Variants in ANXA8 observed in about 807,000 individuals in gnomAD.
The protein encoded by ANXA8 is VAC-beta.
ANXA8 carries 9 observed loss-of-function variants against 26.8 expected under a neutral mutation model. The observed-to-expected ratio is 0.34, with a 90% CI of 0.20 to 0.59. The LOEUF is 0.59. Ranked by LOEUF, ANXA8 falls within the 20% of genes least tolerant of loss-of-function variation. ANXA8 has a pLI of 0.84. For missense variants in ANXA8, 83 were observed against 238.5 expected (o/e 0.35, Z 4.29); for synonymous variants, 39 against 94.8 (o/e 0.41, Z 3.42).
At chr10:47,655,641 TA>T in the ANXA8 span, among the ~76,000 whole-genome samples, 22 of 151,942 alleles carry the variant, frequency 1.4e-4, no homozygotes, top group Non-Finnish European at 2.8e-4. Flanking sequence ...TATGACAGAA[TA>T]CAGGATCCAG....
chr10:47,655,418 A>G, the ANXA8 span, among the ~76,000 whole-genome samples: 19 of 151,654 alleles, frequency 1.3e-4, no homozygotes, highest in African/African-American at 4.4e-4. Context: ...GAACAGTTGG[A>G]TTGGTCTTGG....
chr10:47,653,180 T>C, the ANXA8 span, among the ~76,000 whole-genome samples: 2 of 150,196 alleles, frequency 1.3e-5, no homozygotes, highest in East Asian at 3.9e-4. Context: ...GGCATGGTGG[T>C]GGGTGCCTGT....
At chr10:47,745,922 ATGCATCTGCACAATGCAGCT>A in the ANXA8 span, among the ~76,000 whole-genome samples, 1 of 151,000 alleles carries the variant, frequency 6.6e-6, no homozygotes, top group Non-Finnish European at 1.5e-5. Context: ...AGACACAGAT[ATGCATCTGCACAATGCAGCT>A]TGCCTTTTTA....
the ANXA8 span, among the ~76,000 whole-genome samples, chr10:47,493,754 TC>T: frequency 7.2e-6 from 1 of 138,724 alleles, no homozygotes; most frequent in Non-Finnish European, 1.5e-5. Context: ...CTCCACATGG[TC>T]CCCTGCCCAT....
At chr10:47,554,728 C>G in the ANXA8 span, among the ~76,000 whole-genome samples, 1 of 151,890 alleles carries the variant, frequency 6.6e-6, no homozygotes, top group African/African-American at 2.4e-5. Flanking sequence ...TCACAGTGAC[C>G]TTGTTATCAC....
the ANXA8 span, among the ~76,000 whole-genome samples, chr10:47,596,731 TG>T: frequency 1.4e-5 from 2 of 146,608 alleles, no homozygotes; most frequent in Non-Finnish European, 3.0e-5. Context: ...AGGAAGAACC[TG>T]AAACACTGAA....
upstream of ANXA8, among the ~76,000 whole-genome samples, chr10:47,486,576 G>C (rs1439205377): frequency 7.4e-6 from 1 of 135,508 alleles, no homozygotes; most frequent in Non-Finnish European, 1.6e-5. Flanking sequence ...GAGGAGACAC[G>C]GGGGACATGC....
chr10:47,748,188 A>C, the ANXA8 span, among the ~76,000 whole-genome samples: 2 of 151,114 alleles, frequency 1.3e-5, no homozygotes, highest in African/African-American at 4.9e-5. Flanking sequence ...ACAAAACTGC[A>C]TCCAGGCACA....
At chr10:47,714,460 A>G in the ANXA8 span, among the ~76,000 whole-genome samples, 1 of 108,574 alleles carries the variant, frequency 9.2e-6, no homozygotes, top group Non-Finnish European at 1.8e-5. Flanking sequence ...GTGCTAAGAA[A>G]CCCTCTTTTG....
At chr10:47,488,511 T>C (rs1840085596), upstream of ANXA8, among the ~76,000 whole-genome samples, 1 of 150,986 alleles carries the variant, frequency 6.6e-6, no homozygotes, top group South Asian at 2.1e-4. Flanking sequence ...GCACCTGGCC[T>C]ATGGTATTTT....
At chr10:47,546,916 C>T in the ANXA8 span, among the ~76,000 whole-genome samples, 1 of 123,098 alleles carries the variant, frequency 8.1e-6, no homozygotes, top group Admixed American at 8.9e-5. Flanking sequence ...TGAAGTTGGG[C>T]TTGTAGGAAA....
the ANXA8 span, among the ~76,000 whole-genome samples, chr10:47,775,283 G>GA: frequency 7.2e-6 from 1 of 139,598 alleles, no homozygotes; most frequent in Non-Finnish European, 1.6e-5. Context: ...TGAGGCAGGA[G>GA]AATCACTTGA....
the ANXA8 span, among the ~76,000 whole-genome samples, chr10:47,956,968 A>C: frequency 7.3e-5 from 11 of 150,466 alleles, no homozygotes; most frequent in Non-Finnish European, 1.3e-4. Flanking sequence ...AAATATTTTT[A>C]CTTCTCCATC....
At chr10:47,954,316 T>C in the ANXA8 span, among the ~76,000 whole-genome samples, 1 of 151,140 alleles carries the variant, frequency 6.6e-6, no homozygotes, top group Non-Finnish European at 1.5e-5. Flanking sequence ...TGCATGTTCT[T>C]ACTCATTTGT....
chr10:47,528,168 C>T, the ANXA8 span, among the ~76,000 whole-genome samples: 201 of 139,426 alleles, frequency 1.4e-3, no homozygotes, highest in African/African-American at 5.0e-3. Flanking sequence ...CAACCTCTGC[C>T]TCCTGGGTTC....
the ANXA8 span, among the ~76,000 whole-genome samples, chr10:47,678,448 C>CA: frequency 7.2e-5 from 9 of 124,548 alleles, no homozygotes; most frequent in South Asian, 2.7e-4. Context: ...GACTTTGTCG[C>CA]AAAAAAAACC....
At chr10:47,894,929 A>T in the ANXA8 span, among the ~76,000 whole-genome samples, 1 of 151,676 alleles carries the variant, frequency 6.6e-6, no homozygotes, top group Non-Finnish European at 1.5e-5. Flanking sequence ...CATCACACAC[A>T]CCACATAACA....
At chr10:47,746,152 G>A in the ANXA8 span, among the ~76,000 whole-genome samples, 6 of 108,180 alleles carry the variant, frequency 5.5e-5, no homozygotes, top group African/African-American at 1.3e-4. Flanking sequence ...TCCGGAGTTC[G>A]AGACGAGCCT....
the ANXA8 span, among the ~76,000 whole-genome samples, chr10:47,533,224 C>CACACACACACACACACACACACACACA: frequency 7.5e-6 from 1 of 133,092 alleles, no homozygotes; most frequent in Admixed American, 7.5e-5. Context: ...CACACACACA[C>CACACACACACACACACACACACACACA]CCCCGCAGAC....
Sources: allele counts gnomAD v4.1 joint callset (sites outside exome capture counted in the v4.1 genomes callset), GRCh38; gene constraint gnomAD v4.1.1; transcripts MANE v1.5; gene names NCBI Gene and HGNC (gene_info 2026-07-23, HGNC 2026-07-21).